The following ZWILCH variants were observed in gnomAD, a reference collection of about 807,000 sequenced individuals.
ZWILCH encodes the protein zwilch kinetochore protein.
Under a neutral mutation model 79.9 loss-of-function variants are expected in ZWILCH, and 74 were observed. The ratio of observed to expected loss-of-function variants is 0.93; its 90% CI spans 0.77 to 1.12. The LOEUF (loss-of-function observed/expected upper bound fraction) is 1.12. ZWILCH is among the 50% of genes most tolerant of loss of function. The pLI, the probability that ZWILCH is intolerant of heterozygous loss-of-function variation, is 0.00. For synonymous variants in ZWILCH, 241 were observed against 228.2 expected, an observed-to-expected ratio of 1.06 and a Z score of -0.51; for missense variants, 694 against 687.5, an observed-to-expected ratio of 1.01 and a Z score of -0.11.
At chr15:66,531,603 G>A (rs901026047) in intron 12 of ZWILCH, among the ~76,000 whole-genome samples, 3 of 151,956 alleles carry the variant, frequency 2.0e-5, no homozygotes, top group Non-Finnish European at 4.4e-5. Context: ...GACTACAGGC[G>A]CTTGCTACCA....
At chr15:66,542,469 C>G (rs965806963) in intron 17 of ZWILCH, among the ~76,000 whole-genome samples, 4 of 152,118 alleles carry the variant, frequency 2.6e-5, no homozygotes, top group Non-Finnish European at 5.9e-5. Flanking sequence ...CCTGTAGTCC[C>G]AGCTCTTCGG....
At chr15:66,511,125 C>T (rs993788500) in intron 2 of ZWILCH, among the ~76,000 whole-genome samples, 1 of 152,078 alleles carries the variant, frequency 6.6e-6, no homozygotes, top group Non-Finnish European at 1.5e-5. Flanking sequence ...GCTTTAATAT[C>T]CAAACTAAGA....
intron 4 of ZWILCH, 32 bp from the exon 5 acceptor site, chr15:66,518,847 A>G (rs368118428): frequency 6.0e-5 from 94 of 1,575,470 alleles, no homozygotes; most frequent in South Asian, 5.6e-4. Context: ...GGAAATCTCT[A>G]TCTATAATTT....
intron 16 of ZWILCH, among the ~76,000 whole-genome samples, chr15:66,538,677 G>A (rs375991746): frequency 1.1e-4 from 17 of 151,982 alleles, no homozygotes. Flanking sequence ...CACCATGCTC[G>A]GTCTACTTCA....
Position 66,548,333 on chromosome 15 carries a change from C to A in ZWILCH, c.*27-18C>A. 2 of 399,168 alleles carry A rather than the reference C, an allele frequency of 5.0e-6. No individual in the cohort carries two copies. Among genetic ancestry groups the A allele is most frequent in the East Asian group, 3.6e-5 (1 of 28,100 alleles). The allele number at this position is 399,168 out of a possible 1,614,324, so 24.7% of individuals were successfully genotyped here. A position where few individuals can be genotyped will look rare whatever the true frequency, so the allele number is the denominator to read the frequency against. On this transcript the variant is annotated intron_variant, in intron 18 of 18. Transcript: ENST00000307897. ...TTTAATTTCTGCTTATTTTTATTTT[C>A]TAATTCTTAAATCCCAGCACAAGCC...
At chr15:66,535,798 C>A in intron 14 of ZWILCH, 135 bp from the exon 15 acceptor site, 1 of 657,680 alleles carries the variant, frequency 1.5e-6, no homozygotes, top group Non-Finnish European at 2.4e-6. Flanking sequence ...TTCTATCTAG[C>A]TTCTTCTGGT....
At chr15:66,526,008 C>T (rs1330454144) in intron 8 of ZWILCH, among the ~76,000 whole-genome samples, 1 of 152,100 alleles carries the variant, frequency 6.6e-6, no homozygotes, top group Admixed American at 6.6e-5. Context: ...AAGTGATCCA[C>T]CTGTCTCGGC....
At chr15:66,505,626 A>G in intron 1 of ZWILCH, 3 of 553,590 alleles carry the variant, frequency 5.4e-6, no homozygotes, top group Non-Finnish European at 6.3e-6. Context: ...GAAGGTGGCA[A>G]GTGTTCCAAG....
intron 8 of ZWILCH, 59 bp from the exon 9 acceptor site, chr15:66,527,231 T>C: frequency 8.6e-7 from 1 of 1,169,040 alleles, no homozygotes. Context: ...ACATACATCC[T>C]TATTGATTAA....
intron 8 of ZWILCH, among the ~76,000 whole-genome samples, chr15:66,526,858 A>G (rs1387873587): frequency 6.6e-6 from 1 of 152,220 alleles, no homozygotes; most frequent in South Asian, 2.1e-4. Flanking sequence ...ACATTTATTC[A>G]TCCCCAGACT....
intron 17 of ZWILCH, among the ~76,000 whole-genome samples, chr15:66,543,592 A>G (rs924913868): frequency 6.6e-6 from 1 of 152,158 alleles, no homozygotes; most frequent in Non-Finnish European, 1.5e-5. Flanking sequence ...CCCGATCTGT[A>G]CAAAAAATAC....
rs532577086 is a variant in ZWILCH, at chr15:66,548,424, C to G, written c.*100C>G. ...GAAAACAGCAATGTATGGAAACCCT[C>G]AAAGCAGAAAAGGGAGGAAGATCCT... On this transcript the variant is annotated 3_prime_UTR_variant, in exon 19 of 19. Transcript: ENST00000307897. The G allele has an allele frequency of 5.0e-6, 4 of 807,134 alleles. No homozygotes were observed. In the South Asian group the frequency reaches 7.7e-5, roughly 16 times the overall value. 50.0% of individuals were successfully genotyped at this position (807,134 alleles called of 1,614,324 possible).
chr15:66,540,606 T>C (rs977026753), intron 17 of ZWILCH, among the ~76,000 whole-genome samples: 1 of 150,974 alleles, frequency 6.6e-6, no homozygotes, highest in African/African-American at 2.4e-5. Flanking sequence ...ATTATTATTA[T>C]AGCTCTTGTG....
At chr15:66,531,573 T>G (rs1894854328) in intron 12 of ZWILCH, among the ~76,000 whole-genome samples, 1 of 152,060 alleles carries the variant, frequency 6.6e-6, no homozygotes, top group African/African-American at 2.4e-5. Context: ...CTGTTCTCTT[T>G]CCTCAGCCTC....
intron 2 of ZWILCH, among the ~76,000 whole-genome samples, chr15:66,510,486 TA>T (rs1239459497): frequency 6.6e-6 from 1 of 152,114 alleles, no homozygotes; most frequent in Non-Finnish European, 1.5e-5. Flanking sequence ...CAAATAGAGT[TA>T]CCTTTCACTG....
chr15:66,521,110 A>G lies in ZWILCH; in HGVS notation c.652A>G (p.Ile218Val). ...LFKSSALDDT[I>V]TASQTAIALD... ...TAAGTCCTCTGCCTTGGATGATACAATCACAGCATCACAAACTGCGATCGC... is the reference window on the plus strand; with the variant it reads ...TAAGTCCTCTGCCTTGGATGATACAGTCACAGCATCACAAACTGCGATCGC... Residue 218 changes from isoleucine (I) to valine (V), a missense_variant, in exon 7 of 19, where the codon ATC becomes GTC. By Grantham distance (29) the Ile-to-Val change is conservative. Coordinates refer to ENST00000307897, the MANE Select transcript of ZWILCH (RefSeq NM_017975.5). The G allele has an allele frequency of 6.2e-7, 1 of 1,614,212 alleles. No individual in the cohort carries two copies. Among genetic ancestry groups the G allele is most frequent in the Non-Finnish European group, 8.5e-7 (1 of 1,180,050 alleles).
intron 1 of ZWILCH, among the ~76,000 whole-genome samples, chr15:66,508,017 C>T (rs1400446071): frequency 6.6e-6 from 1 of 151,700 alleles, no homozygotes; most frequent in African/African-American, 2.4e-5. Flanking sequence ...GAATAAATCA[C>T]GATCTTTCAC....
At chr15:66,532,118 T>C in intron 12 of ZWILCH, 129 bp from the exon 13 acceptor site, 1 of 623,744 alleles carries the variant, frequency 1.6e-6, no homozygotes, top group Non-Finnish European at 2.5e-6. Context: ...AAACAATTTA[T>C]AGTGTTAGGA....
At chr15:66,542,547 T>C (rs1367009107) in intron 17 of ZWILCH, among the ~76,000 whole-genome samples, 1 of 152,182 alleles carries the variant, frequency 6.6e-6, no homozygotes, top group African/African-American at 2.4e-5. Flanking sequence ...ATCGCGCCAC[T>C]GCATTCCAGC....
Sources: allele counts gnomAD v4.1 joint callset (sites outside exome capture counted in the v4.1 genomes callset), GRCh38; gene constraint gnomAD v4.1.1; transcripts MANE v1.5; gene names NCBI Gene and HGNC (gene_info 2026-07-23, HGNC 2026-07-21).